Variants in LMBRD2 observed in about 807,000 individuals in gnomAD.
LMBRD2 encodes G protein-coupled receptor-associated protein LMBRD2.
LMBRD2 carries 55 observed loss-of-function variants against 94.4 expected under a neutral mutation model. The observed-to-expected ratio is 0.58, with a 90% CI of 0.47 to 0.73. LMBRD2 has a LOEUF of 0.73. Ranked by LOEUF, LMBRD2 falls within the 30% of genes least tolerant of loss-of-function variation. LMBRD2 has a pLI of 0.00. For missense variants in LMBRD2, 640 were observed against 831.9 expected (o/e 0.77, Z 2.84); for synonymous variants, 246 against 272.4 (o/e 0.90, Z 0.95).
chr5:36,108,631 T>C lies in LMBRD2; in HGVS notation c.1800A>G (p.Lys600=), dbSNP rs758022057. 6.7e-7 allele frequency: 1 copy of C among 1,498,504 alleles called. No individual in the cohort carries two copies. Among genetic ancestry groups the C allele is most frequent in the South Asian group, 1.3e-5 (1 of 75,132 alleles). The allele number at this position is 1,498,504 out of a possible 1,614,324, so 92.8% of individuals were successfully genotyped here. A position where few individuals can be genotyped will look rare whatever the true frequency, so the allele number is the denominator to read the frequency against. The change falls in exon 16 of 18, where the codon AAA becomes AAG. Residue 600 remains lysine, a synonymous_variant. Transcript: ENST00000296603. ...EEGENRRREW[K]ERYGHNREDS... ...CTTCTCTATTGTGTCCATAACGTTC[T>C]TTCCATTCCTAGAAAAGAAGCACAA...
chr5:36,131,119 G>A (rs1000901323), intron 6 of LMBRD2, among the ~76,000 whole-genome samples: 3 of 151,950 alleles, frequency 2.0e-5, no homozygotes, highest in South Asian at 4.2e-4. Context: ...TCAAGAACAC[G>A]TTGAAAAGGT....
intron 9 of LMBRD2, among the ~76,000 whole-genome samples, chr5:36,121,604 T>G (rs1396461603): frequency 6.6e-6 from 1 of 152,150 alleles, no homozygotes; most frequent in Non-Finnish European, 1.5e-5. Flanking sequence ...AAGCAAATAT[T>G]TCAGTAGTAT....
chr5:36,131,259 G>A (rs1744144790), intron 6 of LMBRD2, among the ~76,000 whole-genome samples: 1 of 152,120 alleles, frequency 6.6e-6, no homozygotes, highest in African/African-American at 2.4e-5. Context: ...TATTGATGCT[G>A]AGAAAGCATT....
At chr5:36,146,616 A>T (rs1744547318) in intron 1 of LMBRD2, among the ~76,000 whole-genome samples, 1 of 152,032 alleles carries the variant, frequency 6.6e-6, no homozygotes, top group African/African-American at 2.4e-5. Context: ...GCTGCAAGTG[A>T]TCCTCTCACC....
In LMBRD2 at chr5:36,102,956, G is replaced by A. The variant is rs1743376223; in HGVS notation, c.*1090C>T. ...ATGTTCACTTTTCAATAAAACACTA[G>A]TGCTTTAAAATATAATACATAAATT... is the stretch of plus-strand genomic sequence containing the variant. On this transcript the variant is annotated 3_prime_UTR_variant, in exon 18 of 18. Transcript: ENST00000296603. 6.6e-6 allele frequency: 1 copy of A among 151,732 alleles called. No homozygotes were observed. The highest frequency in any genetic ancestry group is 1.5e-5 in the Non-Finnish European group (1 of 67,766). 9.4% of individuals were successfully genotyped at this position (151,732 alleles called of 1,614,324 possible). A position where few individuals can be genotyped will look rare whatever the true frequency, so the allele number is the denominator to read the frequency against.
Position 36,101,367 on chromosome 5 carries a change from T to C in LMBRD2, c.*2679A>G, listed in dbSNP as rs925953953. 1 of 151,944 alleles carries C rather than the reference T, an allele frequency of 6.6e-6. No individual in the cohort carries two copies. Among genetic ancestry groups the C allele is most frequent in the Non-Finnish European group, 1.5e-5 (1 of 67,874 alleles). The allele number at this position is 151,944 out of a possible 1,614,324, so 9.4% of individuals were successfully genotyped here. On this transcript the variant is annotated 3_prime_UTR_variant, in exon 18 of 18. Coordinates refer to ENST00000296603, the MANE Select transcript of LMBRD2 (RefSeq NM_001007527.2). ...TTACTGAATATTCTTACCTAACAAC[T>C]ATTTAAAGAATAATTTGGAAAATTT...
At position 36,122,963 on chromosome 5, in the gene LMBRD2, TAAA is replaced by T. The variant is rs141044130; in HGVS notation, c.823-5_823-3del. 490 of 1,341,376 alleles carry T rather than the reference TAAA, an allele frequency of 3.7e-4. No individual in the cohort carries two copies. The highest frequency in any genetic ancestry group is 9.7e-4 in the South Asian group (56 of 57,618). 83.1% of individuals were successfully genotyped at this position (1,341,376 alleles called of 1,614,324 possible). A position where few individuals can be genotyped will look rare whatever the true frequency, so the allele number is the denominator to read the frequency against. On this transcript the variant is annotated splice_region_variant and splice_polypyrimidine_tract_variant and intron_variant, in intron 7 of 17. Coordinates refer to ENST00000296603, the MANE Select transcript of LMBRD2 (RefSeq NM_001007527.2). Reference sequence around the variant, plus strand: ...TTTTTCCTGATACTCTGTAGGGCACTAAAAAAAAAAAAAAGTAGATTTTTAAAA... The same window carrying T: ...TTTTTCCTGATACTCTGTAGGGCACTAAAAAAAAAAAGTAGATTTTTAAAA...
At chr5:36,104,163 G>T in intron 17 of LMBRD2, 57 bp from the exon 18 acceptor site, 1 of 1,370,078 alleles carries the variant, frequency 7.3e-7, no homozygotes, top group South Asian at 1.2e-5. Context: ...AAGGAAGAGA[G>T]GAAAACAAGA....
chr5:36,141,207 T>C lies in LMBRD2; in HGVS notation c.273-5A>G. 1.3e-6 allele frequency: 2 copies of C among 1,581,606 alleles called. 1 individual carries two copies. Among genetic ancestry groups the C allele is most frequent in the South Asian group, 2.3e-5 (2 of 87,446 alleles). On this transcript the variant is annotated splice_region_variant and splice_polypyrimidine_tract_variant and intron_variant, in intron 3 of 17. Coordinates refer to ENST00000296603, the MANE Select transcript of LMBRD2 (RefSeq NM_001007527.2). ...GGCTTGAAACAAGGATGCTGGCTGT[T>C]GAATAAAAAGTTAAAGCCAACTAAT...
chr5:36,114,654 T>C, intron 12 of LMBRD2, 133 bp from the exon 13 acceptor site: 7 of 1,094,806 alleles, frequency 6.4e-6, no homozygotes, highest in Non-Finnish European at 8.4e-6. Context: ...AAAAAAGCAG[T>C]AAATGGACTT....
At chr5:36,106,449 A>G (rs1743468705) in intron 16 of LMBRD2, among the ~76,000 whole-genome samples, 5 of 148,752 alleles carry the variant, frequency 3.4e-5, no homozygotes, top group Admixed American at 3.3e-4. Flanking sequence ...AAATCTTATC[A>G]TGCTTCTTCC....
At chr5:36,150,132 A>G (rs762894179) in intron 1 of LMBRD2, among the ~76,000 whole-genome samples, 6 of 152,344 alleles carry the variant, frequency 3.9e-5, no homozygotes, top group Middle Eastern at 3.4e-3. Flanking sequence ...TTATTCCCAT[A>G]TTAGGAAGAT....
chr5:36,104,681 T>TGCC (rs1465584351), intron 17 of LMBRD2, among the ~76,000 whole-genome samples: 56 of 151,978 alleles, frequency 3.7e-4, no homozygotes, highest in Non-Finnish European at 7.1e-4. Flanking sequence ...GGACTTAGAA[T>TGCC]AGTGTCTGGC....
chr5:36,126,547 G>A (rs958788062), intron 6 of LMBRD2, among the ~76,000 whole-genome samples: 6 of 152,176 alleles, frequency 3.9e-5, no homozygotes, highest in African/African-American at 1.4e-4. Flanking sequence ...GCAGTTTTCA[G>A]TGGAAAAAAG....
chr5:36,142,453 C>T (rs771027975), intron 3 of LMBRD2, 49 bp downstream of exon 3: 1 of 1,078,200 alleles, frequency 9.3e-7, no homozygotes, highest in Non-Finnish European at 1.4e-6. Context: ...AATTTTTAAA[C>T]AATGTGTCCC....
chr5:36,142,771 C>T (rs946934629), intron 2 of LMBRD2, 172 bp from the exon 3 acceptor site: 5 of 452,730 alleles, frequency 1.1e-5, no homozygotes, highest in African/African-American at 2.1e-5. Flanking sequence ...GTCGCCCAGG[C>T]TGGAGTGCAG....
Position 36,101,189 on chromosome 5 carries a change from ATTAAAC to A in LMBRD2, c.*2851_*2856del, listed in dbSNP as rs1442968274. 1.3e-5 allele frequency: 2 copies of A among 152,018 alleles called. No homozygotes were observed. The highest frequency in any genetic ancestry group is 4.8e-5 in the African/African-American group (2 of 41,440). The allele number at this position is 152,018 out of a possible 1,614,324, so 9.4% of individuals were successfully genotyped here. On this transcript the variant is annotated 3_prime_UTR_variant, in exon 18 of 18. Transcript: ENST00000296603. ...TTTGGTAAGAGAGCAAATTTTAATA[ATTAAAC>A]TTATTCTTTCTTTTGTTTTTTACAA... is the stretch of plus-strand genomic sequence containing the variant.
At chr5:36,112,648 A>C (rs1743639675) in intron 13 of LMBRD2, among the ~76,000 whole-genome samples, 1 of 152,200 alleles carries the variant, frequency 6.6e-6, no homozygotes, top group South Asian at 2.1e-4. Context: ...TAACTCTAGA[A>C]AGACACTTTT....
chr5:36,131,382 C>T (rs1400804304), intron 6 of LMBRD2, among the ~76,000 whole-genome samples: 1 of 152,038 alleles, frequency 6.6e-6, no homozygotes, highest in Non-Finnish European at 1.5e-5. Context: ...TAGTATCATA[C>T]TGAATGGGGA....
Sources: allele counts gnomAD v4.1 joint callset (sites outside exome capture counted in the v4.1 genomes callset), GRCh38; gene constraint gnomAD v4.1.1; transcripts MANE v1.5; gene names NCBI Gene and HGNC (gene_info 2026-07-23, HGNC 2026-07-21).